The following HNRNPA1L2 variants were observed in gnomAD, a reference collection of about 807,000 sequenced individuals.
HNRNPA1L2 encodes the protein heterogeneous nuclear ribonucleoprotein A1 like 2.
A neutral mutation model predicts 18.2 loss-of-function variants in HNRNPA1L2; 10 were observed. That is an observed-to-expected ratio of 0.55 (90% CI 0.34 to 0.93). The LOEUF is 0.93. Ranked by LOEUF, HNRNPA1L2 falls within the 40% of genes least tolerant of loss-of-function variation. The pLI is 0.02. For missense variants in HNRNPA1L2, 308 were observed against 394.4 expected (o/e 0.78, Z 1.85); for synonymous variants, 124 against 138.6 (o/e 0.89, Z 0.74).
chr13:52,622,564 C>T, the HNRNPA1L2 span, among the ~76,000 whole-genome samples: 2 of 152,316 alleles, frequency 1.3e-5, no homozygotes, highest in African/African-American at 2.4e-5. Flanking sequence ...TGCTACTTAA[C>T]TGCCTCTTTA....
At position 52,642,684 on chromosome 13, in the gene HNRNPA1L2, T is replaced by C. The variant is rs773727472; in HGVS notation, c.192T>C (p.Thr64=). 3 of 1,609,152 alleles carry C rather than the reference T, an allele frequency of 1.9e-6. No homozygotes were observed. The highest frequency in any genetic ancestry group is 2.5e-6 in the Non-Finnish European group (3 of 1,179,826). The part of the protein sequence containing the change: ...SRGFGFVTYA[T]VEEVDAAMNT... ...GCTTTGGGTTTGTCACATATGCCAC[T>C]GTGGAGGAGGTGGATGCAGCTATGA... The change falls in exon 1 of 1, where the codon ACT becomes ACC. Residue 64 remains threonine, a synonymous_variant. Coordinates refer to ENST00000357495, the MANE Select transcript of HNRNPA1L2 (RefSeq NM_001389320.1).
the HNRNPA1L2 span, among the ~76,000 whole-genome samples, chr13:52,618,131 A>G: frequency 1.4e-3 from 214 of 152,288 alleles, 2 homozygotes; most frequent in Non-Finnish European, 2.3e-3. Context: ...TCCAGCAAGT[A>G]GACAATTTAA....
chr13:52,626,854 A>G, the HNRNPA1L2 span, among the ~76,000 whole-genome samples: 1 of 152,122 alleles, frequency 6.6e-6, no homozygotes, highest in Admixed American at 6.5e-5. Flanking sequence ...TCCTGAGGCA[A>G]TTGTTGTCTT....
chr13:52,628,425 A>G, the HNRNPA1L2 span, among the ~76,000 whole-genome samples: 2 of 152,226 alleles, frequency 1.3e-5, no homozygotes, highest in African/African-American at 4.8e-5. Context: ...TCTGGGCGAC[A>G]GCGAGAGACC....
upstream of HNRNPA1L2, chr13:52,640,643 G>T (rs1292944686): frequency 6.6e-6 from 1 of 152,218 alleles, no homozygotes; most frequent in Admixed American, 6.5e-5. Context: ...TTAGTACAAA[G>T]TTGACAGAAT....
the HNRNPA1L2 span, among the ~76,000 whole-genome samples, chr13:52,624,379 T>C: frequency 6.6e-6 from 1 of 152,196 alleles, no homozygotes. Context: ...CCCCAAGTGC[T>C]GGGATTACAG....
upstream of HNRNPA1L2, among the ~76,000 whole-genome samples, chr13:52,639,248 A>T (rs1232296268): frequency 6.6e-6 from 1 of 152,218 alleles, no homozygotes; most frequent in African/African-American, 2.4e-5. Context: ...TATAATAAAA[A>T]AGAATTTGTG....
Position 52,643,207 on chromosome 13 carries a change from G to A in HNRNPA1L2, c.715G>A (p.Gly239Ser). ...CAGCTGTGGTGGTGGTGGATATGGT[G>A]GCAGTGGGGATGGCTATAATGGATT... The part of the protein sequence containing the change: ...GGSCGGGGYG[G>S]SGDGYNGFGN... Residue 239 changes from glycine (G) to serine (S), a missense_variant, in exon 1 of 1, where the codon GGC becomes AGC. Coordinates refer to ENST00000357495, the MANE Select transcript of HNRNPA1L2 (RefSeq NM_001389320.1). The A allele has an allele frequency of 6.3e-7, 1 of 1,597,668 alleles. No individual in the cohort carries two copies. The highest frequency in any genetic ancestry group is 8.5e-7 in the Non-Finnish European group (1 of 1,179,774).
At chr13:52,620,316 T>C in the HNRNPA1L2 span, among the ~76,000 whole-genome samples, 4 of 152,296 alleles carry the variant, frequency 2.6e-5, no homozygotes, top group South Asian at 8.3e-4. Context: ...TAGGAATCTG[T>C]GTTTTAAGTC....
At chr13:52,629,052 T>G in the HNRNPA1L2 span, among the ~76,000 whole-genome samples, 30 of 152,072 alleles carry the variant, frequency 2.0e-4, no homozygotes, top group Non-Finnish European at 4.3e-4. Context: ...ATTTTGTACT[T>G]TTAGTAGAGA....
upstream of HNRNPA1L2, chr13:52,641,741 C>T (rs1481531580): frequency 1.3e-5 from 2 of 152,194 alleles, no homozygotes; most frequent in African/African-American, 2.4e-5. Context: ...TATGTGGTCT[C>T]ACCTCTTCTT....
At chr13:52,626,028 C>T in the HNRNPA1L2 span, among the ~76,000 whole-genome samples, 1 of 152,054 alleles carries the variant, frequency 6.6e-6, no homozygotes, top group Non-Finnish European at 1.5e-5. Flanking sequence ...GATCCTCCCT[C>T]CTTGGCCTCC....
Position 52,642,447 on chromosome 13 carries a change from A to G in HNRNPA1L2, c.-46A>G. ...TCTGGTGGACTTTTTCTGCCCGTGG[A>G]CGCCGCTGAAGAAGCATCGTTAAAG... On this transcript the variant is annotated 5_prime_UTR_variant, in exon 1 of 1. Coordinates refer to ENST00000357495, the MANE Select transcript of HNRNPA1L2 (RefSeq NM_001389320.1). 6.2e-7 allele frequency: 1 copy of G among 1,604,112 alleles called. No homozygotes were observed. Among genetic ancestry groups the G allele is most frequent in the Non-Finnish European group, 8.5e-7 (1 of 1,176,504 alleles).
the HNRNPA1L2 span, among the ~76,000 whole-genome samples, chr13:52,633,324 GT>G: frequency 1.9e-4 from 29 of 152,104 alleles, no homozygotes; most frequent in Admixed American, 1.9e-3. Context: ...AGAGACTTGT[GT>G]TTTTTTCTTA....
At chr13:52,628,884 A>AT in the HNRNPA1L2 span, among the ~76,000 whole-genome samples, 1 of 151,958 alleles carries the variant, frequency 6.6e-6, no homozygotes, top group African/African-American at 2.4e-5. Flanking sequence ...TTATTTTTTT[A>AT]TTTTTTTGGA....
At chr13:52,621,159 T>A in the HNRNPA1L2 span, among the ~76,000 whole-genome samples, 1 of 152,222 alleles carries the variant, frequency 6.6e-6, no homozygotes, top group Non-Finnish European at 1.5e-5. Flanking sequence ...ACTGGATATT[T>A]GAGTTACTTA....
the HNRNPA1L2 span, among the ~76,000 whole-genome samples, chr13:52,636,738 A>G: frequency 3.3e-5 from 5 of 152,164 alleles, no homozygotes; most frequent in Non-Finnish European, 5.9e-5. Flanking sequence ...ACAAAATACA[A>G]ATTTATTTTT....
At chr13:52,638,168 T>C (rs1961522611), upstream of HNRNPA1L2, among the ~76,000 whole-genome samples, 2 of 152,210 alleles carry the variant, frequency 1.3e-5, no homozygotes. Context: ...TACTCCTTGT[T>C]AATAGGAAAG....
the HNRNPA1L2 span, among the ~76,000 whole-genome samples, chr13:52,623,474 G>A: frequency 2.4e-3 from 362 of 152,332 alleles, 3 homozygotes; most frequent in South Asian, 0.027. Flanking sequence ...TGGGTGTGAT[G>A]TATGTAAAAT....
Sources: gnomAD v4.1 joint callset for allele counts (sites outside exome capture counted in the v4.1 genomes callset) on GRCh38, gnomAD v4.1.1 for gene constraint, MANE v1.5 for transcripts, NCBI Gene and HGNC (gene_info 2026-07-23, HGNC 2026-07-21) for gene names.